Variants in SRPK1 observed in about 807,000 individuals in gnomAD.
SRPK1 encodes the protein SRSF protein kinase 1, also known as SFRS protein kinase 1.
SRPK1 carries 52 observed loss-of-function variants against 89.5 expected under a neutral mutation model. The observed-to-expected ratio is 0.58, with a 90% CI of 0.46 to 0.73. The LOEUF (loss-of-function observed/expected upper bound fraction) is 0.73. SRPK1 is among the 30% of genes least tolerant of loss of function. The probability of loss-of-function intolerance (pLI) is 0.00; values close to 1 mark genes in which losing one functional copy is unlikely to be tolerated. For missense variants in SRPK1, 603 were observed against 780.6 expected, an observed-to-expected ratio of 0.77 and a Z score of 2.71; for synonymous variants, 255 against 270.2, an observed-to-expected ratio of 0.94 and a Z score of 0.55.
intron 12 of SRPK1, 88 bp downstream of exon 12, chr6:35,868,922 G>T: frequency 9.9e-7 from 1 of 1,006,374 alleles, no homozygotes; most frequent in Non-Finnish European, 1.5e-6. Context: ...TCTGGGTACA[G>T]AATTATGGAT....
chr6:35,880,746 A>AGAAAGAAAGAAAG (rs765099755), intron 6 of SRPK1, among the ~76,000 whole-genome samples: 5 of 89,228 alleles, frequency 5.6e-5, no homozygotes, highest in African/African-American at 1.8e-4. Flanking sequence ...AAAAAAAAAA[A>AGAAAGAAAGAAAG]AAAAGAAAAG....
rs569834571 is a variant in SRPK1 at position 35,870,813 on chromosome 6, C to G, written c.777+121G>C. Reference sequence around the variant, plus strand: ...AATTTACTGGAGAAAATTATAGAAGCGCAGGAATTTTTTTTCCTTTTGGTT... The same window carrying G: ...AATTTACTGGAGAAAATTATAGAAGGGCAGGAATTTTTTTTCCTTTTGGTT... On this transcript the variant is annotated intron_variant, in intron 9 of 15. Transcript: ENST00000373825. The G allele has an allele frequency of 7.3e-4, 607 of 833,764 alleles. 4 individuals are homozygous for G. Among genetic ancestry groups the G allele is most frequent in the East Asian group, 3.5e-4 (13 of 37,132 alleles). The allele number at this position is 833,764 out of a possible 1,614,324, so 51.6% of individuals were successfully genotyped here. A position where few individuals can be genotyped will look rare whatever the true frequency, so the allele number is the denominator to read the frequency against.
At chr6:35,919,914 C>A (rs1321603177) in intron 2 of SRPK1, among the ~76,000 whole-genome samples, 1 of 152,178 alleles carries the variant, frequency 6.6e-6, no homozygotes, top group African/African-American at 2.4e-5. Flanking sequence ...TCTGCCGGCA[C>A]ACTGCAAAAA....
chr6:35,892,028 C>T (rs1770528232), intron 2 of SRPK1, among the ~76,000 whole-genome samples: 1 of 152,130 alleles, frequency 6.6e-6, no homozygotes, highest in Non-Finnish European at 1.5e-5. Flanking sequence ...ATATTTCCTT[C>T]TAGTCAGTGG....
At chr6:35,852,311 AG>A (rs1347278043) in intron 13 of SRPK1, among the ~76,000 whole-genome samples, 1 of 152,188 alleles carries the variant, frequency 6.6e-6, no homozygotes, top group African/African-American at 2.4e-5. Context: ...TACCAACTGC[AG>A]GGATCTACTG....
At chr6:35,872,511 G>A in intron 8 of SRPK1, 52 bp downstream of exon 8, 2 of 1,480,852 alleles carry the variant, frequency 1.4e-6, no homozygotes, top group South Asian at 1.4e-5. Context: ...AATAAAAATA[G>A]AAATTTCTTT....
intron 5 of SRPK1, 148 bp from the exon 6 acceptor site, chr6:35,886,959 A>T: frequency 1.7e-6 from 1 of 589,464 alleles, no homozygotes. Flanking sequence ...AATAGCTTTA[A>T]TGGAGAAAAA....
rs183290567 is a variant in SRPK1, at chr6:35,880,303, G to A, written c.479-5964C>T. ...AAAGAATCAGCAAACCTGAAGTTAGGGTGATGGAAATTATCAAGTGTGAGG... is the reference window on the plus strand; with the variant it reads ...AAAGAATCAGCAAACCTGAAGTTAGAGTGATGGAAATTATCAAGTGTGAGG... On this transcript the variant is annotated intron_variant, in intron 6 of 15. Transcript: ENST00000373825. Among the ~76,000 whole-genome samples, 379 of 152,120 alleles carry A rather than the reference G, an allele frequency of 2.5e-3. 1 individual carries two copies. Among genetic ancestry groups the A allele is most frequent in the African/African-American group, 8.8e-3 (364 of 41,492 alleles).
At chr6:35,838,546 C>A (rs749179718) in intron 14 of SRPK1, 117 bp from the exon 15 acceptor site, 1 of 1,310,958 alleles carries the variant, frequency 7.6e-7, no homozygotes, top group Non-Finnish European at 1.1e-6. Flanking sequence ...TAAAGCCTAT[C>A]AGGCTTACTT....
chr6:35,895,012 C>T (rs1770600416), intron 2 of SRPK1, among the ~76,000 whole-genome samples: 1 of 151,962 alleles, frequency 6.6e-6, no homozygotes. Context: ...GAGCCAGAGA[C>T]CAGAGAGCTC....
chr6:35,920,622 G>A (rs1379798296), intron 1 of SRPK1, 94 bp from the exon 2 acceptor site: 19 of 1,154,120 alleles, frequency 1.6e-5, no homozygotes, highest in Non-Finnish European at 2.2e-5. Context: ...AGGCCCGGCT[G>A]CGGGGCCTGC....
chr6:35,874,274 G>A lies in SRPK1; in HGVS notation c.544C>T (p.Gln182Ter). 6.2e-7 allele frequency: 1 copy of A among 1,613,386 alleles called. No individual in the cohort carries two copies. The highest frequency in any genetic ancestry group is 8.5e-7 in the Non-Finnish European group (1 of 1,179,650). The change falls in exon 7 of 16, where the codon CAG becomes TAG. Residue 182 changes from glutamine (Q) to a stop codon, truncating the protein, a stop_gained. Coordinates refer to ENST00000373825, the MANE Select transcript of SRPK1 (RefSeq NM_003137.5). LOFTEE classifies it high-confidence loss of function. Reference sequence around the variant, plus strand: ...TTGACACAAGGCAGTGGAAGCCCCTGATAATTGGATTTGATGATCCACTTG... The same window carrying A: ...TTGACACAAGGCAGTGGAAGCCCCTAATAATTGGATTTGATGATCCACTTG... Reference protein sequence around the residue: ...LLKWIIKSNYQGLPLPCVKKI... With the variant: ...LLKWIIKSNY
chr6:35,868,969 C>T (rs1561978063), intron 12 of SRPK1, 41 bp downstream of exon 12: 1 of 1,519,568 alleles, frequency 6.6e-7, no homozygotes, highest in African/African-American at 1.4e-5. Context: ...CATTCATCCT[C>T]CCAGTCACTT....
At chr6:35,839,714 TCTGTCGC>T (rs959949826) in intron 14 of SRPK1, among the ~76,000 whole-genome samples, 11 of 150,242 alleles carry the variant, frequency 7.3e-5, no homozygotes, top group Non-Finnish European at 1.6e-4. Flanking sequence ...GGAGTCTTGC[TCTGTCGC>T]CAGGCTGGAG....
In SRPK1 at chr6:35,839,981, A is replaced by AT. The variant is rs1207631516; in HGVS notation, c.1691-1553dup. Among the ~76,000 whole-genome samples the AT allele has an allele frequency of 2.6e-5, 4 of 151,798 alleles. No individual in the cohort carries two copies. In the East Asian group the frequency reaches 5.8e-4, roughly 22 times the overall value. ...GTGTGAGCCACTGTGCCTGGCCTGT[A>AT]TTTTTTGTAGAGATGGGGTTTTGCC... On this transcript the variant is annotated intron_variant, in intron 14 of 15. Coordinates refer to ENST00000373825, the MANE Select transcript of SRPK1 (RefSeq NM_003137.5).
intron 7 of SRPK1, among the ~76,000 whole-genome samples, chr6:35,873,964 A>G (rs1770100606): frequency 2.0e-5 from 3 of 151,388 alleles, no homozygotes; most frequent in Admixed American, 2.0e-4. Flanking sequence ...GTAGCTTGGG[A>G]CTACAGGTGC....
chr6:35,918,728 T>G (rs1771166463), intron 2 of SRPK1, among the ~76,000 whole-genome samples: 1 of 152,152 alleles, frequency 6.6e-6, no homozygotes, highest in East Asian at 1.9e-4. Context: ...CACAAATAAC[T>G]CTAAGTTATC....
intron 2 of SRPK1, among the ~76,000 whole-genome samples, chr6:35,907,818 T>G (rs1406777791): frequency 6.7e-6 from 1 of 149,906 alleles, no homozygotes; most frequent in East Asian, 1.9e-4. Context: ...ACAAATCTCA[T>G]GTCAAATTGT....
chr6:35,911,913 G>A (rs549603200), intron 2 of SRPK1, among the ~76,000 whole-genome samples: 3 of 147,138 alleles, frequency 2.0e-5, no homozygotes, highest in South Asian at 4.6e-4. Context: ...AAACATCATC[G>A]CATACTACAG....
Sources: allele counts gnomAD v4.1 joint callset (sites outside exome capture counted in the v4.1 genomes callset), GRCh38; gene constraint gnomAD v4.1.1; transcripts MANE v1.5; gene names NCBI Gene and HGNC (gene_info 2026-07-23, HGNC 2026-07-21).